Variants in ORC5 observed in about 807,000 individuals in gnomAD.
ORC5 encodes origin recognition complex subunit 5.
ORC5 carries 39 observed loss-of-function variants against 58.8 expected under a neutral mutation model. That is an observed-to-expected ratio of 0.66 (90% CI 0.51 to 0.87). The LOEUF (loss-of-function observed/expected upper bound fraction) is 0.87. ORC5 is among the 40% of genes least tolerant of loss of function. ORC5 has a pLI of 0.00. For missense variants in ORC5, 493 were observed against 506.3 expected (o/e 0.97, Z 0.25); for synonymous variants, 218 against 177.6 (o/e 1.23, Z -1.81).
chr7:104,140,729 C>G (rs1037667685), intron 12 of ORC5, among the ~76,000 whole-genome samples: 24 of 152,286 alleles, frequency 1.6e-4, no homozygotes, highest in South Asian at 1.4e-3. Flanking sequence ...CAGCTGATGA[C>G]AACAGAGCAC....
chr7:104,195,945 T>A (rs960629912), intron 4 of ORC5, among the ~76,000 whole-genome samples: 2 of 152,186 alleles, frequency 1.3e-5, no homozygotes, highest in African/African-American at 4.8e-5. Flanking sequence ...TCCACCATAT[T>A]TTAAACTTCC....
intron 12 of ORC5, among the ~76,000 whole-genome samples, chr7:104,140,296 T>C (rs1399892685): frequency 6.6e-6 from 1 of 152,152 alleles, no homozygotes; most frequent in Non-Finnish European, 1.5e-5. Context: ...AAAATTTTTC[T>C]TTCTACTGTT....
rs1470270301 is a variant in ORC5, at chr7:104,197,730, C to T, written c.436G>A (p.Glu146Lys). 5 of 1,594,378 alleles carry T rather than the reference C, an allele frequency of 3.1e-6. No homozygotes were observed. The highest frequency in any genetic ancestry group is 4.3e-6 in the Non-Finnish European group (5 of 1,168,214). ...CACTTTCTCACATTACTTACCAATTCTTGTAATCTAAGAAATCCAGGCAAA... is the reference window on the plus strand; with the variant it reads ...CACTTTCTCACATTACTTACCAATTTTTGTAATCTAAGAAATCCAGGCAAA... Reference protein sequence around the residue: ...NLLPGFLRLQELADRNVTVLF... With the variant: ...NLLPGFLRLQKLADRNVTVLF... Residue 146 changes from glutamate (E) to lysine (K), a missense_variant, in exon 4 of 14, where the codon GAA (glutamate) becomes AAA (lysine). Around this residue, in one of 3 missense-constraint regions of ORC5, gnomAD observed 412 missense variants for 403.7 expected, o/e 1.02. Transcript: ENST00000297431.
chr7:104,190,256 T>C (rs1237017153), intron 5 of ORC5, among the ~76,000 whole-genome samples: 1 of 152,116 alleles, frequency 6.6e-6, no homozygotes, highest in Non-Finnish European at 1.5e-5. Flanking sequence ...GAAAAAATAC[T>C]GTAGATTCTA....
chr7:104,158,404 A>C (rs568002926), intron 12 of ORC5, among the ~76,000 whole-genome samples: 4 of 152,184 alleles, frequency 2.6e-5, no homozygotes, highest in Non-Finnish European at 4.4e-5. Flanking sequence ...ACCATTCAGG[A>C]CATAGGCATG....
intron 12 of ORC5, among the ~76,000 whole-genome samples, chr7:104,141,520 A>G (rs1349975329): frequency 2.0e-5 from 3 of 152,184 alleles, no homozygotes; most frequent in Non-Finnish European, 4.4e-5. Flanking sequence ...GTGGACCTCA[A>G]TTTTCAAAAC....
rs372461864 is a variant in ORC5 at position 104,126,805 on chromosome 7, C to T, written c.*43G>A. 65 of 1,470,232 alleles carry T rather than the reference C, an allele frequency of 4.4e-5. No individual in the cohort carries two copies. The highest frequency in any genetic ancestry group is 6.0e-5 in the Non-Finnish European group (63 of 1,057,354). The allele number at this position is 1,470,232 out of a possible 1,614,324, so 91.1% of individuals were successfully genotyped here. A position where few individuals can be genotyped will look rare whatever the true frequency, so the allele number is the denominator to read the frequency against. On this transcript the variant is annotated 3_prime_UTR_variant, in exon 14 of 14. Transcript: ENST00000297431. ...AAGTAGCTGGATGAACACAGCTTGG[C>T]TTAGTCATTGTCACAGTGTCCATAT...
At chr7:104,205,659 G>A (rs975885277) in intron 1 of ORC5, among the ~76,000 whole-genome samples, 2 of 152,164 alleles carry the variant, frequency 1.3e-5, no homozygotes, top group Non-Finnish European at 2.9e-5. Context: ...AAATGAATAG[G>A]TAATGTAATA....
At chr7:104,168,439 T>TA in intron 9 of ORC5, 34 bp downstream of exon 9, 1 of 1,603,060 alleles carries the variant, frequency 6.2e-7, no homozygotes, top group Non-Finnish European at 8.5e-7. Context: ...TGAAGAAGTA[T>TA]CTCCGGTAAC....
rs112660217 is a variant in ORC5 at position 104,188,303 on chromosome 7, A to G, written c.632T>C (p.Leu211Pro). Residue 211 changes from leucine (L) to proline (P), a missense_variant, in exon 6 of 14, where the codon CTT (leucine) becomes CCT (proline). Around this residue, in one of 3 missense-constraint regions of ORC5, gnomAD observed 412 missense variants for 403.7 expected, o/e 1.02. Transcript: ENST00000297431. ...ADFYAAYINI[L>P]LGVFYTVCRD... Reference sequence around the variant, plus strand: ...ACAAACAGTGTAGAAAACTCCAAGAAGAATGTTAATGTAGGCAGCATAGAA... The same window carrying G: ...ACAAACAGTGTAGAAAACTCCAAGAGGAATGTTAATGTAGGCAGCATAGAA... 6.2e-7 allele frequency: 1 copy of G among 1,613,336 alleles called. No homozygotes were observed. The highest frequency in any genetic ancestry group is 1.3e-5 in the African/African-American group (1 of 74,984).
At chr7:104,198,705 GGAGAAATT>G (rs1799859380) in intron 3 of ORC5, among the ~76,000 whole-genome samples, 1 of 152,214 alleles carries the variant, frequency 6.6e-6, no homozygotes, top group African/African-American at 2.4e-5. Context: ...CATTTTCTGG[GGAGAAATT>G]CAAGCCAGCT....
intron 12 of ORC5, among the ~76,000 whole-genome samples, chr7:104,158,588 G>C (rs919577185): frequency 9.2e-5 from 14 of 151,804 alleles, no homozygotes; most frequent in Non-Finnish European, 1.6e-4. Flanking sequence ...CTAACAAAGG[G>C]CTAATATCCA....
intron 5 of ORC5, among the ~76,000 whole-genome samples, chr7:104,190,226 C>G (rs139818993): frequency 6.6e-6 from 1 of 151,776 alleles, no homozygotes; most frequent in East Asian, 1.9e-4. Context: ...ACCTTATTAC[C>G]GGCAAAATCA....
chr7:104,201,183 T>C (rs895530234), intron 2 of ORC5, among the ~76,000 whole-genome samples: 1 of 152,142 alleles, frequency 6.6e-6, no homozygotes, highest in African/African-American at 2.4e-5. Context: ...TAAGGGAGAA[T>C]GGTGGGAGAG....
intron 13 of ORC5, among the ~76,000 whole-genome samples, chr7:104,128,651 T>A (rs1396987465): frequency 6.7e-6 from 1 of 148,830 alleles, no homozygotes; most frequent in Non-Finnish European, 1.5e-5. Context: ...ATTAGGTATA[T>A]CTCCTAATGC....
chr7:104,168,510 C>G lies in ORC5; in HGVS notation c.840G>C (p.Lys280Asn). ...LREISSSQWE[K>N]LQKDDTDPGQ... ...CCGGATCTGTGTCATCTTTCTGTAG[C>G]TTTTCCCACTGGGAACTGAAAAAAA... The change falls in exon 9 of 14, where the codon AAG (lysine) becomes AAC (asparagine). Residue 280 changes from lysine (K) to asparagine (N), a missense_variant. Physicochemically the swap from Lys to Asn is moderately conservative, Grantham distance 94 (BLOSUM62 0). This residue lies in a region of ORC5 where 412 missense variants were observed against 403.7 expected (regional missense o/e 1.02). Coordinates refer to ENST00000297431, the MANE Select transcript of ORC5 (RefSeq NM_002553.4). 1 of 1,570,398 alleles carries G rather than the reference C, an allele frequency of 6.4e-7. No individual in the cohort carries two copies. The highest frequency in any genetic ancestry group is 1.4e-5 in the African/African-American group (1 of 73,396).
chr7:104,148,226 G>C (rs1039624568), intron 12 of ORC5, among the ~76,000 whole-genome samples: 1 of 152,154 alleles, frequency 6.6e-6, no homozygotes, highest in Non-Finnish European at 1.5e-5. Flanking sequence ...TCAAGGTCAC[G>C]AAGTTAACAG....
intron 12 of ORC5, among the ~76,000 whole-genome samples, chr7:104,158,489 A>AC (rs1202033443): frequency 6.6e-6 from 1 of 151,898 alleles, no homozygotes; most frequent in Admixed American, 6.6e-5. Flanking sequence ...ATCTAATTAA[A>AC]CTAAAGAGCT....
At position 104,126,606 on chromosome 7, in the gene ORC5, A is replaced by T; in HGVS notation, c.*242T>A. On this transcript the variant is annotated 3_prime_UTR_variant, in exon 14 of 14. Transcript: ENST00000297431. Reference sequence around the variant, plus strand: ...TAAGAGTAGAACAGATTGTGCTCAAACCCTGCTGTTTATAATTAACACGTT... The same window carrying T: ...TAAGAGTAGAACAGATTGTGCTCAATCCCTGCTGTTTATAATTAACACGTT... 1 of 443,588 alleles carries T rather than the reference A, an allele frequency of 2.3e-6. No homozygotes were observed. The highest frequency in any genetic ancestry group is 4.0e-6 in the Non-Finnish European group (1 of 251,742). The allele number at this position is 443,588 out of a possible 1,614,324, so 27.5% of individuals were successfully genotyped here.
Sources: allele counts gnomAD v4.1 joint callset (sites outside exome capture counted in the v4.1 genomes callset), GRCh38; gene constraint gnomAD v4.1.1; regional missense constraint gnomAD v4.1.1; transcripts MANE v1.5; gene names NCBI Gene and HGNC (gene_info 2026-07-23, HGNC 2026-07-21).